Variants in CAST observed in about 807,000 individuals in gnomAD.
CAST encodes the protein calpastatin.
A neutral mutation model predicts 119.6 loss-of-function variants in CAST; 76 were observed. That is an observed-to-expected ratio of 0.64 (90% CI 0.53 to 0.77). The LOEUF (loss-of-function observed/expected upper bound fraction) is 0.77, where lower values mean the gene tolerates loss of function less well. Among genes scored for constraint, CAST ranks in the 30% least tolerant of loss-of-function variants. The probability of loss-of-function intolerance (pLI) is 0.00; values close to 1 mark genes in which losing one functional copy is unlikely to be tolerated. For synonymous variants in CAST, 319 were observed against 331.6 expected, an observed-to-expected ratio of 0.96 and a Z score of 0.41; for missense variants, 953 against 946.5, an observed-to-expected ratio of 1.01 and a Z score of -0.09.
the CAST span, among the ~76,000 whole-genome samples, chr5:96,201,737 G>A: frequency 1.3e-5 from 2 of 151,968 alleles, no homozygotes; most frequent in Admixed American, 1.3e-4. Context: ...TCGGTGTTCA[G>A]CCTTAGCTAT....
the CAST span, among the ~76,000 whole-genome samples, chr5:96,370,307 A>T: frequency 6.6e-6 from 1 of 151,988 alleles, no homozygotes. Context: ...GATTCTGGGG[A>T]TGAAACAGCG....
chr5:96,088,873 T>C, the CAST span, among the ~76,000 whole-genome samples: 1 of 152,074 alleles, frequency 6.6e-6, no homozygotes, highest in East Asian at 1.9e-4. Flanking sequence ...GGCCTTGTTG[T>C]GCAGCAGGCT....
chr5:96,550,563 G>C (rs1318607387), intron 1 of CAST, among the ~76,000 whole-genome samples: 1 of 152,194 alleles, frequency 6.6e-6, no homozygotes, highest in Non-Finnish European at 1.5e-5. Context: ...CAGAGAATGA[G>C]TTTGACGAGT....
At chr5:96,386,799 A>T in the CAST span, among the ~76,000 whole-genome samples, 1 of 152,032 alleles carries the variant, frequency 6.6e-6, no homozygotes, top group Non-Finnish European at 1.5e-5. Flanking sequence ...ACCCTGTCTC[A>T]ACTGAAAATA....
At chr5:96,293,185 G>A in the CAST span, among the ~76,000 whole-genome samples, 2 of 152,192 alleles carry the variant, frequency 1.3e-5, no homozygotes, top group Non-Finnish European at 2.9e-5. Context: ...GGAGGTTAGG[G>A]TGGAATGGCA....
At chr5:96,432,077 A>G in the CAST span, 4 of 1,528,310 alleles carry the variant, frequency 2.6e-6, no homozygotes, top group Non-Finnish European at 3.5e-6. Flanking sequence ...GAAAACGATT[A>G]CGTACTTGGC....
chr5:96,247,351 G>C, the CAST span, among the ~76,000 whole-genome samples: 6 of 152,236 alleles, frequency 3.9e-5, no homozygotes, highest in African/African-American at 1.4e-4. Context: ...GTGTATTCTG[G>C]CTGCCTAGAA....
At chr5:95,966,325 G>A in the CAST span, among the ~76,000 whole-genome samples, 8 of 152,080 alleles carry the variant, frequency 5.3e-5, no homozygotes, top group Admixed American at 6.5e-5. Flanking sequence ...GAAAGGAATC[G>A]CTTATCTGAG....
intron 3 of CAST, among the ~76,000 whole-genome samples, chr5:96,711,541 T>G (rs1035236217): frequency 3.9e-5 from 6 of 152,134 alleles, no homozygotes; most frequent in African/African-American, 1.4e-4. Context: ...CTTGTAAGAG[T>G]TGCATATTTT....
At chr5:96,304,070 T>C in the CAST span, among the ~76,000 whole-genome samples, 1 of 152,354 alleles carries the variant, frequency 6.6e-6, no homozygotes, top group South Asian at 2.1e-4. Flanking sequence ...CCACCAACAG[T>C]GTAAAAGCGT....
At chr5:96,020,993 CTAAGA>C in the CAST span, among the ~76,000 whole-genome samples, 1 of 151,874 alleles carries the variant, frequency 6.6e-6, no homozygotes, top group South Asian at 2.1e-4. Flanking sequence ...CTAGATGATT[CTAAGA>C]TTAGTCAGAA....
the CAST span, among the ~76,000 whole-genome samples, chr5:96,413,290 C>T: frequency 6.6e-6 from 1 of 152,158 alleles, no homozygotes; most frequent in African/African-American, 2.4e-5. Flanking sequence ...AACAGGCTGT[C>T]ACCCGTCATC....
intron 1 of CAST, among the ~76,000 whole-genome samples, chr5:96,561,735 TGA>T (rs1486503153): frequency 6.7e-6 from 1 of 149,172 alleles, no homozygotes; most frequent in Non-Finnish European, 1.5e-5. Flanking sequence ...TATAAAAACA[TGA>T]GAAGGATATA....
chr5:96,475,668 C>T, the CAST span, among the ~76,000 whole-genome samples: 2 of 152,126 alleles, frequency 1.3e-5, no homozygotes, highest in African/African-American at 2.4e-5. Context: ...ATCACTCAGT[C>T]CATGTGTAAC....
upstream of CAST, among the ~76,000 whole-genome samples, chr5:96,659,592 A>C (rs1465145486): frequency 1.3e-5 from 2 of 152,142 alleles, no homozygotes; most frequent in African/African-American, 4.8e-5. Context: ...GCAATGGGAC[A>C]ATCTTGGCTC....
chr5:96,619,667 A>G (rs995245689), intron 1 of CAST, among the ~76,000 whole-genome samples: 1 of 152,200 alleles, frequency 6.6e-6, no homozygotes, highest in Admixed American at 6.5e-5. Flanking sequence ...CGAGACCACT[A>G]ACCCACCAGA....
the CAST span, among the ~76,000 whole-genome samples, chr5:96,370,164 A>T: frequency 3.3e-5 from 5 of 151,548 alleles, no homozygotes; most frequent in African/African-American, 1.2e-4. Context: ...TAATTAATTT[A>T]AAAAATAGTA....
chr5:96,493,013 A>T, the CAST span, among the ~76,000 whole-genome samples: 1 of 152,232 alleles, frequency 6.6e-6, no homozygotes, highest in South Asian at 2.1e-4. Flanking sequence ...ACAAACAAAA[A>T]AATACTTTAA....
chr5:96,238,357 T>TCTTCTTCTCCTTCTTCTC, the CAST span, among the ~76,000 whole-genome samples: 39 of 79,678 alleles, frequency 4.9e-4, 1 homozygote, highest in South Asian at 2.0e-3. Context: ...ATCTTCATCT[T>TCTTCTTCTCCTTCTTCTC]CTTCTTCTCC....
Sources: gnomAD v4.1 joint callset for allele counts (sites outside exome capture counted in the v4.1 genomes callset) on GRCh38, gnomAD v4.1.1 for gene constraint, MANE v1.5 for transcripts, NCBI Gene and HGNC (gene_info 2026-07-23, HGNC 2026-07-21) for gene names.